The following BEST3 variants were observed in gnomAD, a reference collection of about 807,000 sequenced individuals.
BEST3 encodes the protein bestrophin 3, also known as bestrophin-3.
A neutral mutation model predicts 47.1 loss-of-function variants in BEST3; 50 were observed. The observed-to-expected ratio is 1.06, with a 90% CI of 0.85 to 1.34. The LOEUF is 1.34. Ranked by LOEUF, BEST3 falls within the 40% of genes most tolerant of loss-of-function variation. The pLI is 0.00. For synonymous variants in BEST3, 282 were observed against 298.8 expected, an observed-to-expected ratio of 0.94 and a Z score of 0.58; for missense variants, 765 against 817.0, an observed-to-expected ratio of 0.94 and a Z score of 0.78.
At chr12:69,662,208 C>G (rs1883914147) in intron 9 of BEST3, among the ~76,000 whole-genome samples, 1 of 152,128 alleles carries the variant, frequency 6.6e-6, no homozygotes, top group African/African-American at 2.4e-5. Context: ...TCCTTCCTTT[C>G]TGGTACATTA....
intron 4 of BEST3, among the ~76,000 whole-genome samples, chr12:69,692,910 G>A (rs529173362): frequency 6.6e-6 from 1 of 152,160 alleles, no homozygotes; most frequent in East Asian, 1.9e-4. Flanking sequence ...TTACAGGTGG[G>A]AGCCAGCAAG....
At chr12:69,679,018 C>G in intron 4 of BEST3, 125 bp from the exon 5 acceptor site, 1 of 830,032 alleles carries the variant, frequency 1.2e-6, no homozygotes, top group Non-Finnish European at 1.8e-6. Context: ...AATAAAGCTT[C>G]CTGTCTCAAG....
Position 69,693,245 on chromosome 12 carries a change from C to CTT in BEST3, c.481+427_481+428dup, listed in dbSNP as rs71094730. ...TTTCCTTTTCTTTCTCTCTCTCTCT[C>CTT]TTTTTTTTTTCTTTTTTCTTTTTTT... On this transcript the variant is annotated intron_variant, in intron 4 of 9. Coordinates refer to ENST00000330891, the MANE Select transcript of BEST3 (RefSeq NM_032735.3). 3.4e-3 allele frequency among the ~76,000 whole-genome samples: 469 copies of CTT among 136,686 alleles called. 8 individuals are homozygous for CTT. In the East Asian group the frequency reaches 0.052, roughly 15 times the overall value. The allele number at this position is 136,686 out of a possible 152,430, so 89.7% of individuals were successfully genotyped here.
chr12:69,652,909 T>C (rs1218475226), downstream of BEST3, among the ~76,000 whole-genome samples: 2 of 152,210 alleles, frequency 1.3e-5, no homozygotes, highest in African/African-American at 4.8e-5. Flanking sequence ...TCCCATAGTC[T>C]ATACGTAGTG....
At chr12:69,680,310 C>CTTGTTTTTTTTTTTTTT (rs763385722) in intron 4 of BEST3, among the ~76,000 whole-genome samples, 1 of 95,032 alleles carries the variant, frequency 1.1e-5, no homozygotes, top group African/African-American at 4.3e-5. Flanking sequence ...TACACTTGAT[C>CTTGTTTTTTTTTTTTTT]TTTTTTTTTT....
In BEST3 at chr12:69,697,864, G is replaced by A. The variant is rs1448126654; in HGVS notation, c.-15-51C>T. 6.9e-6 allele frequency: 10 copies of A among 1,443,958 alleles called. No individual in the cohort carries two copies. The Admixed American group carries it at 2.1e-4, about 30-fold the overall frequency. The allele number at this position is 1,443,958 out of a possible 1,614,324, so 89.4% of individuals were successfully genotyped here. A position where few individuals can be genotyped will look rare whatever the true frequency, so the allele number is the denominator to read the frequency against. On this transcript the variant is annotated intron_variant, in intron 1 of 9. Coordinates refer to ENST00000330891, the MANE Select transcript of BEST3 (RefSeq NM_032735.3). The stretch of plus-strand genomic sequence containing the variant: ...AAGTAAAAAGCAATGTTTAAAATAG[G>A]GCATAAATCTGTATGTCTGTATATC...
At chr12:69,692,773 A>AT (rs1205055877) in intron 4 of BEST3, among the ~76,000 whole-genome samples, 1 of 152,068 alleles carries the variant, frequency 6.6e-6, no homozygotes, top group Non-Finnish European at 1.5e-5. Context: ...TTATTTATTT[A>AT]TTTTTTGGGG....
chr12:69,655,019 A>G lies in BEST3; in HGVS notation c.1895T>C (p.Ile632Thr), dbSNP rs1377665005. ...AGAAGAGACTCGAGAGCCAGCCACA[A>G]TGTTGATCCCACTGATCTCTGAGGA... ...ETSSEISGIN[I>T]VAGSRVSSDM... Residue 632 changes from isoleucine (I) to threonine (T), a missense_variant, in exon 10 of 10, where the codon ATT (isoleucine) becomes ACT (threonine). By Grantham distance (89) the Ile-to-Thr change is moderately conservative. Transcript: ENST00000330891. 36 of 1,613,994 alleles carry G rather than the reference A, an allele frequency of 2.2e-5. No homozygotes were observed. The highest frequency in any genetic ancestry group is 2.7e-5 in the African/African-American group (2 of 74,914).
chr12:69,671,293 G>A (rs1884553337), intron 9 of BEST3, 135 bp downstream of exon 9: 4 of 872,062 alleles, frequency 4.6e-6, no homozygotes, highest in Non-Finnish European at 4.9e-6. Context: ...GCCTCCCCAA[G>A]TAGCTAGGAC....
chr12:69,691,722 G>A (rs1202067256), intron 4 of BEST3, among the ~76,000 whole-genome samples: 1 of 152,134 alleles, frequency 6.6e-6, no homozygotes, highest in Non-Finnish European at 1.5e-5. Flanking sequence ...AACCCAGGAG[G>A]CAGAGATTGC....
chr12:69,672,197 G>A (rs1335324381), intron 8 of BEST3, among the ~76,000 whole-genome samples: 8 of 152,334 alleles, frequency 5.3e-5, no homozygotes, highest in South Asian at 2.1e-4. Context: ...TCCTCCCTAA[G>A]AGACTGACAT....
At position 69,653,946 on chromosome 12, in the gene BEST3, A is replaced by C; in HGVS notation, c.*961T>G. 1.0e-6 allele frequency: 1 copy of C among 985,470 alleles called. No homozygotes were observed. The highest frequency in any genetic ancestry group is 1.2e-6 in the Non-Finnish European group (1 of 829,928). 61.0% of individuals were successfully genotyped at this position (985,470 alleles called of 1,614,324 possible). A position where few individuals can be genotyped will look rare whatever the true frequency, so the allele number is the denominator to read the frequency against. On this transcript the variant is annotated 3_prime_UTR_variant, in exon 10 of 10. Coordinates refer to ENST00000330891, the MANE Select transcript of BEST3 (RefSeq NM_032735.3). ...TTCTTTGGTTCCATAGCATTTGGCT[A>C]TGCAAATTTCATATTCTCTTGGCTT...
At chr12:69,646,599 A>T (rs1380579472) in intron 9 of BEST3, among the ~76,000 whole-genome samples, 1 of 152,174 alleles carries the variant, frequency 6.6e-6, no homozygotes. Context: ...TACCCATGAG[A>T]AGGGCATTGT....
intron 9 of BEST3, among the ~76,000 whole-genome samples, chr12:69,664,515 A>G (rs1039438785): frequency 6.6e-6 from 1 of 152,020 alleles, no homozygotes; most frequent in African/African-American, 2.4e-5. Context: ...CCTCTCTTCC[A>G]GTGGGCTCCT....
intron 9 of BEST3, among the ~76,000 whole-genome samples, chr12:69,645,982 G>C (rs2098652028): frequency 6.6e-6 from 1 of 152,176 alleles, no homozygotes; most frequent in African/African-American, 2.4e-5. Context: ...TGTCACCCAG[G>C]CTGGAGTGCT....
At chr12:69,693,608 A>AAAG in intron 4 of BEST3, 66 bp downstream of exon 4, 1 of 1,295,274 alleles carries the variant, frequency 7.7e-7, no homozygotes, top group Non-Finnish European at 1.1e-6. Flanking sequence ...AAGAATTTTC[A>AAAG]AAGGAATTCT....
chr12:69,647,086 C>T (rs189395775), intron 9 of BEST3, among the ~76,000 whole-genome samples: 54 of 152,308 alleles, frequency 3.5e-4, no homozygotes, highest in Non-Finnish European at 6.8e-4. Context: ...AAGACTTAGA[C>T]TGTAGGTCCA....
chr12:69,647,512 A>T (rs868080833), intron 9 of BEST3, among the ~76,000 whole-genome samples: 14 of 152,098 alleles, frequency 9.2e-5, no homozygotes, highest in Non-Finnish European at 8.8e-5. Flanking sequence ...CCTCTTTCAG[A>T]TGCTGTTTGT....
chr12:69,657,741 C>G (rs1883597351), intron 9 of BEST3, among the ~76,000 whole-genome samples: 1 of 152,166 alleles, frequency 6.6e-6, no homozygotes, highest in Non-Finnish European at 1.5e-5. Context: ...GCAAAGCAAG[C>G]AGCCAAAGAA....
Sources: gnomAD v4.1 joint callset for allele counts (sites outside exome capture counted in the v4.1 genomes callset) on GRCh38, gnomAD v4.1.1 for gene constraint, MANE v1.5 for transcripts, NCBI Gene and HGNC (gene_info 2026-07-23, HGNC 2026-07-21) for gene names.